The following GPC6 variants were observed in gnomAD, a reference collection of about 807,000 sequenced individuals.
The protein encoded by GPC6 is glypican-6.
In GPC6, 14 loss-of-function variants were observed where a neutral mutation model predicts 55.2. The observed-to-expected ratio is 0.25, with a 90% CI of 0.17 to 0.40. The LOEUF is 0.40. Among genes scored for constraint, GPC6 ranks in the 10% least tolerant of loss-of-function variants. The probability of loss-of-function intolerance (pLI) is 1.00; values close to 1 mark genes in which losing one functional copy is unlikely to be tolerated. For synonymous variants in GPC6, 278 were observed against 259.6 expected (o/e 1.07, Z -0.68); for missense variants, 641 against 708.5 (o/e 0.90, Z 1.08).
chr13:93,838,787 G>C (rs1256076219), intron 3 of GPC6, among the ~76,000 whole-genome samples: 5 of 152,060 alleles, frequency 3.3e-5, no homozygotes, highest in Non-Finnish European at 7.3e-5. Context: ...AGACCCTCCA[G>C]CTCAACAGCC....
chr13:94,288,764 T>TATATATATATTTGTTATATATATAATAA (rs1412669800), intron 5 of GPC6, among the ~76,000 whole-genome samples: 31 of 116,898 alleles, frequency 2.7e-4, no homozygotes, highest in Admixed American at 1.2e-3. Flanking sequence ...ATATAATAAA[T>TATATATATATTTGTTATATATATAATAA]ATATATATAT....
chr13:93,323,853 TA>T (rs1879546059), intron 1 of GPC6, among the ~76,000 whole-genome samples: 1 of 152,146 alleles, frequency 6.6e-6, no homozygotes. Flanking sequence ...TTATGCCAGT[TA>T]GTACAACCAC....
At chr13:94,373,581 C>T (rs201749606) in intron 6 of GPC6, among the ~76,000 whole-genome samples, 1 of 152,082 alleles carries the variant, frequency 6.6e-6, no homozygotes, top group Non-Finnish European at 1.5e-5. Context: ...ACCAAATCTA[C>T]GTCTGATTGG....
intron 4 of GPC6, among the ~76,000 whole-genome samples, chr13:94,235,042 G>T (rs928546048): frequency 6.6e-5 from 10 of 152,174 alleles, no homozygotes; most frequent in African/African-American, 2.2e-4. Context: ...AATGTGCATA[G>T]AGTTAACAAG....
chr13:93,650,124 A>T (rs1331919543), intron 2 of GPC6, among the ~76,000 whole-genome samples: 1 of 152,148 alleles, frequency 6.6e-6, no homozygotes, highest in African/African-American at 2.4e-5. Context: ...TGCTGCTACA[A>T]TTCAAATAAT....
At chr13:93,771,096 A>C (rs1885275613) in intron 2 of GPC6, among the ~76,000 whole-genome samples, 1 of 152,162 alleles carries the variant, frequency 6.6e-6, no homozygotes, top group Non-Finnish European at 1.5e-5. Flanking sequence ...TTGATAACAC[A>C]TACACTGAAG....
intron 2 of GPC6, among the ~76,000 whole-genome samples, chr13:93,803,382 A>C (rs1275862333): frequency 6.6e-6 from 1 of 152,164 alleles, no homozygotes. Context: ...AACCAGTATA[A>C]GATACCTTTT....
intron 2 of GPC6, among the ~76,000 whole-genome samples, chr13:93,660,154 A>G (rs1880863178): frequency 6.6e-6 from 1 of 151,938 alleles, no homozygotes; most frequent in African/African-American, 2.4e-5. Context: ...CCTAATCTGG[A>G]AAAAAAACTA....
intron 3 of GPC6, among the ~76,000 whole-genome samples, chr13:93,912,534 G>T: frequency 6.6e-6 from 1 of 152,074 alleles, no homozygotes. Context: ...ACAAGGTCAG[G>T]AGATCGAGAC....
intron 6 of GPC6, among the ~76,000 whole-genome samples, chr13:94,333,962 T>TA (rs1292358342): frequency 4.6e-5 from 7 of 152,280 alleles, no homozygotes; most frequent in African/African-American, 1.7e-4. Flanking sequence ...AAGGTCATTT[T>TA]AAAAAAATGA....
chr13:93,285,483 A>T (rs1270833283), intron 1 of GPC6, among the ~76,000 whole-genome samples: 3 of 152,174 alleles, frequency 2.0e-5, no homozygotes, highest in African/African-American at 7.2e-5. Context: ...CAATTAGACT[A>T]CAAATCATGG....
Position 94,359,623 on chromosome 13 carries a change from A to T in GPC6, c.1153-22791A>T, listed in dbSNP as rs529972920. ...TATTGAGGCTAACTTGACACAAATC[A>T]TTCTAATTATTTACATTCAGAGCTC... On this transcript the variant is annotated intron_variant, in intron 6 of 8. Transcript: ENST00000377047. Among the ~76,000 whole-genome samples, 9 of 152,158 alleles carry T rather than the reference A, an allele frequency of 5.9e-5. No individual in the cohort carries two copies. The South Asian group carries it at 1.9e-3, about 32-fold the overall frequency.
intron 2 of GPC6, among the ~76,000 whole-genome samples, chr13:93,774,530 A>G (rs1885402717): frequency 6.6e-6 from 1 of 152,170 alleles, no homozygotes. Flanking sequence ...ACACTTAATG[A>G]CAGAATTAGT....
At chr13:93,923,285 C>A (rs556307628) in intron 3 of GPC6, among the ~76,000 whole-genome samples, 2 of 152,170 alleles carry the variant, frequency 1.3e-5, no homozygotes, top group South Asian at 2.1e-4. Context: ...AAAATGTTAA[C>A]AAATTTCACA....
intron 3 of GPC6, among the ~76,000 whole-genome samples, chr13:93,914,985 A>G (rs964018551): frequency 6.6e-6 from 1 of 152,190 alleles, no homozygotes; most frequent in Non-Finnish European, 1.5e-5. Context: ...GGACATTTTC[A>G]CATAAATCTC....
chr13:94,394,046 A>G (rs1880789697), intron 7 of GPC6, among the ~76,000 whole-genome samples: 1 of 152,178 alleles, frequency 6.6e-6, no homozygotes, highest in Admixed American at 6.5e-5. Flanking sequence ...GGCTGGATGT[A>G]TCAGCCCTCT....
chr13:93,975,159 C>T (rs1448893085), intron 3 of GPC6, among the ~76,000 whole-genome samples: 1 of 152,172 alleles, frequency 6.6e-6, no homozygotes, highest in Admixed American at 6.6e-5. Context: ...CTGATGCATG[C>T]AAGACTATGA....
At chr13:94,181,026 C>T (rs912355855) in intron 4 of GPC6, among the ~76,000 whole-genome samples, 4 of 152,162 alleles carry the variant, frequency 2.6e-5, no homozygotes, top group Non-Finnish European at 5.9e-5. Flanking sequence ...AATTTTACTT[C>T]AGTAGGTCTG....
At chr13:94,086,601 C>T (rs953678817) in intron 4 of GPC6, among the ~76,000 whole-genome samples, 5 of 152,122 alleles carry the variant, frequency 3.3e-5, no homozygotes, top group African/African-American at 1.2e-4. Context: ...AAGTCTTGTT[C>T]TTAGTTCTTT....
Sources: gnomAD v4.1 joint callset for allele counts (sites outside exome capture counted in the v4.1 genomes callset) on GRCh38, gnomAD v4.1.1 for gene constraint, MANE v1.5 for transcripts, NCBI Gene and HGNC (gene_info 2026-07-23, HGNC 2026-07-21) for gene names.